CDH13: variants seen among roughly 807,000 people sequenced by gnomAD.
The protein encoded by CDH13 is cadherin-13.
A neutral mutation model predicts 63.8 loss-of-function variants in CDH13; 24 were observed. That is an observed-to-expected ratio of 0.38 (90% CI 0.27 to 0.53). CDH13 has a LOEUF of 0.53. CDH13 is among the 20% of genes least tolerant of loss of function. The probability of loss-of-function intolerance (pLI) is 0.85; values close to 1 mark genes in which losing one functional copy is unlikely to be tolerated. For missense variants in CDH13, 1,049 were observed against 903.1 expected (o/e 1.16, Z -2.07); for synonymous variants, 503 against 355.3 (o/e 1.42, Z -4.67).
intron 10 of CDH13, among the ~76,000 whole-genome samples, chr16:83,722,952 A>G (rs1056427552): frequency 6.6e-6 from 1 of 152,236 alleles, no homozygotes; most frequent in African/African-American, 2.4e-5. Context: ...TGCACCTGAC[A>G]GGTGCCATAT....
chr16:83,566,416 C>G (rs1454045768), intron 7 of CDH13, among the ~76,000 whole-genome samples: 3 of 152,122 alleles, frequency 2.0e-5, no homozygotes, highest in Admixed American at 1.3e-4. Context: ...CATAGGAAGA[C>G]AAGTTGCTAA....
At position 82,883,357 on chromosome 16, in the gene CDH13, G is replaced by A. The variant is rs138470763; in HGVS notation, c.157+24884G>A. On this transcript the variant is annotated intron_variant, in intron 2 of 13. Coordinates refer to ENST00000567109, the MANE Select transcript of CDH13 (RefSeq NM_001257.5). ...TAGCAGGAGAAAGGAAGCAGCTGTT[G>A]TAGGCAAAGCTCTCACACTTGAGTG... 2.6e-3 allele frequency among the ~76,000 whole-genome samples: 391 copies of A among 152,314 alleles called. 1 individual carries two copies. Among genetic ancestry groups the A allele is most frequent in the Non-Finnish European group, 3.7e-3 (255 of 68,032 alleles).
At chr16:82,765,515 G>A (rs2035023451) in intron 1 of CDH13, among the ~76,000 whole-genome samples, 1 of 152,170 alleles carries the variant, frequency 6.6e-6, no homozygotes, top group Admixed American at 6.5e-5. Context: ...CACCCCGTGA[G>A]CCTTCCTAGG....
chr16:83,014,595 G>A (rs117608787), intron 2 of CDH13, among the ~76,000 whole-genome samples: 4,580 of 150,424 alleles, frequency 0.03, 102 homozygotes, highest in Non-Finnish European at 0.045. Context: ...TAGCCGAGTG[G>A]TGGCCCATGC....
At chr16:82,886,779 TGA>T (rs1247026156) in intron 2 of CDH13, among the ~76,000 whole-genome samples, 6 of 152,168 alleles carry the variant, frequency 3.9e-5, no homozygotes, top group Admixed American at 6.5e-5. Flanking sequence ...AACCAAGTGC[TGA>T]TGGGCTTGAG....
At chr16:83,511,094 A>ATGCACAAG (rs1555564262) in intron 7 of CDH13, among the ~76,000 whole-genome samples, 1 of 151,222 alleles carries the variant, frequency 6.6e-6, no homozygotes, top group Non-Finnish European at 1.5e-5. Flanking sequence ...GCACACACAC[A>ATGCACAAG]TGCACACATG....
At chr16:83,476,255 A>G (rs1014145700) in intron 6 of CDH13, among the ~76,000 whole-genome samples, 7 of 152,332 alleles carry the variant, frequency 4.6e-5, no homozygotes, top group South Asian at 4.1e-4. Flanking sequence ...CCAATATCAC[A>G]TCTCCTGCCC....
intron 2 of CDH13, among the ~76,000 whole-genome samples, chr16:82,872,712 C>G (rs183495421): frequency 6.6e-6 from 1 of 152,094 alleles, no homozygotes; most frequent in East Asian, 1.9e-4. Context: ...GTCAAAATAT[C>G]CCCAAGGACT....
chr16:83,547,482 G>A (rs1313602613), intron 7 of CDH13, among the ~76,000 whole-genome samples: 2 of 152,074 alleles, frequency 1.3e-5, no homozygotes, highest in Non-Finnish European at 2.9e-5. Flanking sequence ...GCCCTAGTGT[G>A]TGTTGTTCCC....
intron 6 of CDH13, among the ~76,000 whole-genome samples, chr16:83,352,122 G>A (rs2090963841): frequency 6.6e-6 from 1 of 152,192 alleles, no homozygotes; most frequent in Non-Finnish European, 1.5e-5. Context: ...CAGAGCCCTT[G>A]AGCTTGGAGG....
chr16:83,300,139 G>A (rs1169969709), intron 5 of CDH13, among the ~76,000 whole-genome samples: 3 of 152,146 alleles, frequency 2.0e-5, no homozygotes, highest in South Asian at 4.1e-4. Context: ...CCAGGAAGCT[G>A]GGATCATTAA....
chr16:82,824,267 A>G lies in CDH13; in HGVS notation c.46-34095A>G, dbSNP rs77358319. The G allele has an allele frequency of 1.0e-3, 153 of 152,262 alleles. 2 individuals carry two copies. The East Asian group carries it at 0.026, about 26-fold the overall frequency. 9.4% of individuals were successfully genotyped at this position (152,262 alleles called of 1,614,324 possible). On this transcript the variant is annotated intron_variant, in intron 1 of 13. Transcript: ENST00000567109. Reference sequence around the variant, plus strand: ...AACAAAATTATTTATAGGTTACCTTACAAAGATGATAGAAACCATCTCATT... The same window carrying G: ...AACAAAATTATTTATAGGTTACCTTGCAAAGATGATAGAAACCATCTCATT...
At chr16:82,964,841 C>A (rs1348686886) in intron 2 of CDH13, among the ~76,000 whole-genome samples, 2 of 152,130 alleles carry the variant, frequency 1.3e-5, no homozygotes, top group African/African-American at 2.4e-5. Flanking sequence ...GGGTTTTTTT[C>A]TTCCTTGTTG....
At chr16:83,785,882 G>A (rs767336372) in intron 13 of CDH13, among the ~76,000 whole-genome samples, 1 of 152,176 alleles carries the variant, frequency 6.6e-6, no homozygotes, top group Non-Finnish European at 1.5e-5. Context: ...TGACTCCAAC[G>A]TTTAGGTACA....
intron 2 of CDH13, among the ~76,000 whole-genome samples, chr16:82,916,424 A>G (rs2041992441): frequency 2.0e-5 from 3 of 152,218 alleles, no homozygotes; most frequent in Admixed American, 1.3e-4. Flanking sequence ...AAATACAAAA[A>G]TTAGCCGGGC....
At position 83,780,049 on chromosome 16, in the gene CDH13, C is replaced by A. The variant is rs530695746; in HGVS notation, c.1763C>A (p.Thr588Lys). Reference sequence around the variant, plus strand: ...GACAATGCCCCGTTCATTTACCCCACAGTAGCTGAAGTCTGTGATGATGCC... The same window carrying A: ...GACAATGCCCCGTTCATTTACCCCAAAGTAGCTGAAGTCTGTGATGATGCC... ...VNDNAPFIYP[T>K]VAEVCDDAKN... Residue 588 changes from threonine (T) to lysine (K), a missense_variant, in exon 12 of 14, where the codon ACA becomes AAA. Transcript: ENST00000567109. The A allele has an allele frequency of 5.0e-6, 8 of 1,613,868 alleles. No homozygotes were observed. Among genetic ancestry groups the A allele is most frequent in the Non-Finnish European group, 5.9e-6 (7 of 1,179,888 alleles).
chr16:83,463,573 GGAGGTTCACTT>G (rs2073233848), intron 6 of CDH13, among the ~76,000 whole-genome samples: 3 of 152,200 alleles, frequency 2.0e-5, no homozygotes, highest in Admixed American at 2.0e-4. Context: ...GGCCACAGCA[GGAGGTTCACTT>G]GAGCTTAAGA....
intron 6 of CDH13, among the ~76,000 whole-genome samples, chr16:83,477,057 G>A (rs949772965): frequency 1.3e-5 from 2 of 152,168 alleles, no homozygotes; most frequent in South Asian, 2.1e-4. Flanking sequence ...TTTTGGCCAT[G>A]TGTCACCTAA....
chr16:82,698,653 G>A (rs190457058), intron 1 of CDH13, among the ~76,000 whole-genome samples: 1 of 152,332 alleles, frequency 6.6e-6, no homozygotes, highest in East Asian at 1.9e-4. Context: ...TGTTCAGCAA[G>A]CAATCTACTG....
Sources: allele counts gnomAD v4.1 joint callset (sites outside exome capture counted in the v4.1 genomes callset), GRCh38; gene constraint gnomAD v4.1.1; transcripts MANE v1.5; gene names NCBI Gene and HGNC (gene_info 2026-07-23, HGNC 2026-07-21).